The following CCDC66 variants were observed in gnomAD, a reference collection of about 807,000 sequenced individuals.
The protein encoded by CCDC66 is coiled-coil domain containing 66.
A neutral mutation model predicts 128.3 loss-of-function variants in CCDC66; 133 were observed. That is an observed-to-expected ratio of 1.04 (90% CI 0.90 to 1.20). The LOEUF (loss-of-function observed/expected upper bound fraction) is 1.20. Among genes scored for constraint, CCDC66 ranks in the 50% most tolerant of loss-of-function variants. The pLI is 0.00. For synonymous variants in CCDC66, 387 were observed against 357.0 expected (o/e 1.08, Z -0.95); for missense variants, 1,126 against 1,075.5 (o/e 1.05, Z -0.66).
intron 17 of CCDC66, chr3:56,621,241 G>A (rs899018405): frequency 3.1e-5 from 7 of 227,556 alleles, no homozygotes; most frequent in Non-Finnish European, 4.3e-5. Flanking sequence ...GCACTTGGGG[G>A]TGGACTGGGG....
chr3:56,565,901 C>T (rs1249793318), intron 4 of CCDC66, among the ~76,000 whole-genome samples: 2 of 152,120 alleles, frequency 1.3e-5, no homozygotes, highest in Admixed American at 6.6e-5. Flanking sequence ...CTCCTGACCT[C>T]GTGATCCGCC....
intron 15 of CCDC66, 67 bp from the exon 16 acceptor site, chr3:56,619,204 T>C: frequency 2.3e-6 from 3 of 1,278,470 alleles, no homozygotes; most frequent in Non-Finnish European, 3.2e-6. Context: ...ATAAATAAAG[T>C]GAAATGTGAT....
Position 56,597,870 on chromosome 3 carries a change from G to A in CCDC66, c.1404+3842G>A, listed in dbSNP as rs1303473587. On this transcript the variant is annotated intron_variant, in intron 10 of 17. Coordinates refer to ENST00000394672, the MANE Select transcript of CCDC66 (RefSeq NM_001141947.3). ...TCCCACTGCAACCTCTGCCTCACAG[G>A]TTCAAGCGATTCTCCTGCCTCAGCC... Among the ~76,000 whole-genome samples, 7 of 144,304 alleles carry A rather than the reference G, an allele frequency of 4.9e-5. No homozygotes were observed. In the East Asian group the frequency reaches 1.3e-3, roughly 26 times the overall value. The allele number at this position is 144,304 out of a possible 152,430, so 94.7% of individuals were successfully genotyped here.
intron 14 of CCDC66, 21 bp from the exon 15 acceptor site, chr3:56,618,151 A>G: frequency 6.3e-7 from 1 of 1,594,398 alleles, no homozygotes; most frequent in Non-Finnish European, 8.6e-7. Context: ...TCCTTTCTGC[A>G]TTTATCTATC....
At chr3:56,569,150 G>A (rs2066281964) in intron 6 of CCDC66, among the ~76,000 whole-genome samples, 1 of 152,168 alleles carries the variant, frequency 6.6e-6, no homozygotes, top group South Asian at 2.1e-4. Flanking sequence ...TCAGCCTGCT[G>A]GAGCAACAGA....
chr3:56,563,633 G>T, intron 3 of CCDC66, 51 bp from the exon 4 acceptor site: 2 of 1,356,416 alleles, frequency 1.5e-6, no homozygotes, highest in Non-Finnish European at 2.0e-6. Flanking sequence ...AAAGATAATT[G>T]GTGATTTTTC....
At chr3:56,561,233 A>G in intron 3 of CCDC66, 2 of 452,894 alleles carry the variant, frequency 4.4e-6, no homozygotes, top group Non-Finnish European at 4.4e-6. Flanking sequence ...GCTGTTTGTA[A>G]TGGTTGATTT....
At position 56,559,571 on chromosome 3, in the gene CCDC66, C is replaced by T. The variant is rs1312085154; in HGVS notation, c.79C>T (p.His27Tyr). Residue 27 changes from histidine (H) to tyrosine (Y), a missense_variant and splice_region_variant, in exon 3 of 18, where the codon CAT (histidine) becomes TAT (tyrosine). Physicochemically the swap from His to Tyr is moderately conservative, Grantham distance 83 (BLOSUM62 2). Coordinates refer to ENST00000394672, the MANE Select transcript of CCDC66 (RefSeq NM_001141947.3). ...KTKLILSPYE[H>Y]KSKISVKMGN... ...GTAATTTCTTTTTTCTTTTGTAGAA[C>T]ATAAATCAAAAATTTCTGTGAAGGT... 7 of 1,534,390 alleles carry T rather than the reference C, an allele frequency of 4.6e-6. No homozygotes were observed. The East Asian group carries it at 1.7e-4, about 38-fold the overall frequency.
chr3:56,611,308 T>C (rs2074772105), intron 10 of CCDC66, among the ~76,000 whole-genome samples: 1 of 151,868 alleles, frequency 6.6e-6, no homozygotes, highest in Admixed American at 6.6e-5. Flanking sequence ...AGGAGGATTA[T>C]GGCTGCCTGT....
chr3:56,595,032 A>G (rs766194860), intron 10 of CCDC66, among the ~76,000 whole-genome samples: 36 of 152,228 alleles, frequency 2.4e-4, no homozygotes, highest in Non-Finnish European at 3.2e-4. Context: ...TGACATTTCC[A>G]CTTCACTTAT....
rs575978576 is a variant in CCDC66, at chr3:56,612,656, A to G, written c.1405-933A>G. On this transcript the variant is annotated intron_variant, in intron 10 of 17. Transcript: ENST00000394672. Reference sequence around the variant, plus strand: ...GCCAGTGGTGGTGTTGGCGGTGGCTATAATGGGCTGCGTGGGCCAGTCCCC... The same window carrying G: ...GCCAGTGGTGGTGTTGGCGGTGGCTGTAATGGGCTGCGTGGGCCAGTCCCC... Among the ~76,000 whole-genome samples, 350 of 152,272 alleles carry G rather than the reference A, an allele frequency of 2.3e-3. 3 individuals are homozygous for G. Among genetic ancestry groups the G allele is most frequent in the Non-Finnish European group, 3.5e-3 (236 of 68,020 alleles).
rs1483364953 is a variant in CCDC66 at position 56,585,875 on chromosome 3, A to G, written c.937-7095A>G. 3.9e-5 allele frequency among the ~76,000 whole-genome samples: 6 copies of G among 151,932 alleles called. 2 individuals carry two copies. The East Asian group carries it at 1.2e-3, about 30-fold the overall frequency. ...ATTTCTGGATCAGAAAAATGGGTCAAAATTAAAACAATTTACAAGAATTTT... is the reference window on the plus strand; with the variant it reads ...ATTTCTGGATCAGAAAAATGGGTCAGAATTAAAACAATTTACAAGAATTTT... On this transcript the variant is annotated intron_variant, in intron 7 of 17. Coordinates refer to ENST00000394672, the MANE Select transcript of CCDC66 (RefSeq NM_001141947.3).
intron 7 of CCDC66, among the ~76,000 whole-genome samples, chr3:56,589,386 G>A (rs1297328047): frequency 6.6e-6 from 1 of 152,008 alleles, no homozygotes; most frequent in Non-Finnish European, 1.5e-5. Context: ...AACCTTTTAG[G>A]TTGTTTATAA....
Position 56,617,949 on chromosome 3 carries a change from AAAAC to A in CCDC66, c.2338-222_2338-219del, listed in dbSNP as rs2075730192. On this transcript the variant is annotated intron_variant, in intron 14 of 17. Coordinates refer to ENST00000394672, the MANE Select transcript of CCDC66 (RefSeq NM_001141947.3). The stretch of plus-strand genomic sequence containing the variant: ...ATGCTGTGTATTCAAATACCCCTTT[AAAAC>A]CCTTGTTTATAGTCCACATAGACAG... 10 of 588,802 alleles carry A rather than the reference AAAAC, an allele frequency of 1.7e-5. No homozygotes were observed. The Admixed American group carries it at 2.2e-4, about 13-fold the overall frequency. The allele number at this position is 588,802 out of a possible 1,614,324, so 36.5% of individuals were successfully genotyped here. A position where few individuals can be genotyped will look rare whatever the true frequency, so the allele number is the denominator to read the frequency against.
At chr3:56,590,528 C>T (rs989438531) in intron 7 of CCDC66, among the ~76,000 whole-genome samples, 3 of 151,870 alleles carry the variant, frequency 2.0e-5, no homozygotes, top group Admixed American at 6.6e-5. Context: ...GAGATCAAGG[C>T]GGGTGGATTT....
chr3:56,597,776 G>GTTT lies in CCDC66; in HGVS notation c.1404+3748_1404+3749insTTT, dbSNP rs753875788. The stretch of plus-strand genomic sequence containing the variant: ...TTGTGGAGTCTAGGTTTTGTTTTGG[G>GTTT]GTTTTTTTTTTTTTTTGAGACAGAG... On this transcript the variant is annotated intron_variant, in intron 10 of 17. Coordinates refer to ENST00000394672, the MANE Select transcript of CCDC66 (RefSeq NM_001141947.3). 3.2e-3 allele frequency among the ~76,000 whole-genome samples: 197 copies of GTTT among 61,862 alleles called. 35 individuals are homozygous for GTTT. The highest frequency in any genetic ancestry group is 0.011 in the Middle Eastern group (1 of 88). 40.6% of individuals were successfully genotyped at this position (61,862 alleles called of 152,430 possible). A position where few individuals can be genotyped will look rare whatever the true frequency, so the allele number is the denominator to read the frequency against.
chr3:56,601,679 G>A (rs1006502495), intron 10 of CCDC66, among the ~76,000 whole-genome samples: 1 of 151,912 alleles, frequency 6.6e-6, no homozygotes, highest in Admixed American at 6.6e-5. Flanking sequence ...TCCTTAAAGA[G>A]GTCCTTCACG....
At chr3:56,585,151 GAGGGAC>G (rs1323686773) in intron 7 of CCDC66, among the ~76,000 whole-genome samples, 5 of 145,522 alleles carry the variant, frequency 3.4e-5, no homozygotes, top group African/African-American at 1.3e-4. Context: ...GGGAGAGGGA[GAGGGAC>G]TAGTTAAGAG....
chr3:56,566,507 G>T, intron 4 of CCDC66, 87 bp from the exon 5 acceptor site: 1 of 798,612 alleles, frequency 1.3e-6, no homozygotes, highest in Non-Finnish European at 2.0e-6. Flanking sequence ...TAACGTGTAA[G>T]ACATGTAAGA....
Sources: allele counts gnomAD v4.1 joint callset (sites outside exome capture counted in the v4.1 genomes callset), GRCh38; gene constraint gnomAD v4.1.1; transcripts MANE v1.5; gene names NCBI Gene and HGNC (gene_info 2026-07-23, HGNC 2026-07-21).